Variants in BICC1 observed in about 807,000 individuals in gnomAD.
BICC1 encodes the protein protein bicaudal C homolog 1.
In BICC1, 43 loss-of-function variants were observed where a neutral mutation model predicts 111.0. That is an observed-to-expected ratio of 0.39 (90% CI 0.30 to 0.50). BICC1 has a LOEUF of 0.50. BICC1 is among the 20% of genes least tolerant of loss of function. The pLI is 0.88. For missense variants in BICC1, 1,091 were observed against 1,203.2 expected (o/e 0.91, Z 1.38); for synonymous variants, 467 against 434.4 (o/e 1.07, Z -0.93).
intron 1 of BICC1, among the ~76,000 whole-genome samples, chr10:58,536,984 C>A (rs556292946): frequency 6.6e-6 from 1 of 151,760 alleles, no homozygotes; most frequent in East Asian, 1.9e-4. Context: ...ACATACGACA[C>A]CCTAGCTTGA....
chr10:58,811,315 A>G (rs1257176436), intron 17 of BICC1, among the ~76,000 whole-genome samples: 2 of 152,224 alleles, frequency 1.3e-5, no homozygotes. Flanking sequence ...CGGAGCAAAT[A>G]AAAACCTGCA....
chr10:58,720,786 A>C (rs1295501700), intron 3 of BICC1, among the ~76,000 whole-genome samples: 1 of 152,246 alleles, frequency 6.6e-6, no homozygotes, highest in Admixed American at 6.5e-5. Flanking sequence ...GAAGGGGTTA[A>C]AATACTGAAA....
intron 1 of BICC1, among the ~76,000 whole-genome samples, chr10:58,603,271 A>G (rs149223568): frequency 6.4e-4 from 97 of 152,300 alleles, no homozygotes; most frequent in Non-Finnish European, 1.1e-3. Flanking sequence ...GGTAATGAGT[A>G]CAACTAGTTA....
At chr10:58,778,304 A>G (rs1188982085) in intron 3 of BICC1, among the ~76,000 whole-genome samples, 2 of 152,156 alleles carry the variant, frequency 1.3e-5, no homozygotes, top group Non-Finnish European at 2.9e-5. Context: ...TAAGCCTTGA[A>G]CAAGTGGGGT....
intron 3 of BICC1, 60 bp downstream of exon 3, chr10:58,702,203 C>A (rs1037003697): frequency 2.9e-6 from 4 of 1,377,902 alleles, no homozygotes; most frequent in African/African-American, 2.9e-5. Context: ...GGAATTACTG[C>A]AGGTTTGCTG....
chr10:58,682,465 C>G (rs1839560565), intron 2 of BICC1, among the ~76,000 whole-genome samples: 1 of 152,190 alleles, frequency 6.6e-6, no homozygotes, highest in African/African-American at 2.4e-5. Context: ...AGTGGTTGAA[C>G]TAGTTTACAT....
chr10:58,765,064 T>A (rs577740298), intron 3 of BICC1, among the ~76,000 whole-genome samples: 1 of 151,988 alleles, frequency 6.6e-6, no homozygotes, highest in South Asian at 2.1e-4. Context: ...GTAGTATGGG[T>A]TTTTTGTTTG....
intron 1 of BICC1, among the ~76,000 whole-genome samples, chr10:58,549,493 A>G (rs966470777): frequency 3.3e-5 from 5 of 152,162 alleles, no homozygotes; most frequent in Non-Finnish European, 5.9e-5. Context: ...CGCCATTTTA[A>G]TAGATGTCTA....
At chr10:58,712,781 GTCATTGT>G (rs1840617192) in intron 3 of BICC1, among the ~76,000 whole-genome samples, 2 of 152,102 alleles carry the variant, frequency 1.3e-5, no homozygotes, top group Non-Finnish European at 2.9e-5. Flanking sequence ...GTGACTATAT[GTCATTGT>G]ACATTTGTCA....
At chr10:58,594,498 G>T (rs1844745925) in intron 1 of BICC1, among the ~76,000 whole-genome samples, 1 of 152,236 alleles carries the variant, frequency 6.6e-6, no homozygotes, top group Non-Finnish European at 1.5e-5. Flanking sequence ...ACCAACAAAG[G>T]GAAGCCCATC....
At chr10:58,541,897 C>T (rs1316291074) in intron 1 of BICC1, among the ~76,000 whole-genome samples, 5 of 151,912 alleles carry the variant, frequency 3.3e-5, no homozygotes, top group Non-Finnish European at 5.9e-5. Flanking sequence ...CACCTGTAAT[C>T]GCAGCACTTT....
chr10:58,546,540 G>C (rs1843141605), intron 1 of BICC1, among the ~76,000 whole-genome samples: 1 of 152,022 alleles, frequency 6.6e-6, no homozygotes, highest in African/African-American at 2.4e-5. Context: ...TATGAAGCCA[G>C]CTTGTTCTTC....
chr10:58,618,360 C>T (rs943995158), intron 1 of BICC1, among the ~76,000 whole-genome samples: 9 of 152,238 alleles, frequency 5.9e-5, no homozygotes, highest in African/African-American at 1.9e-4. Flanking sequence ...TACATAACCA[C>T]GTCACGTGAG....
intron 17 of BICC1, among the ~76,000 whole-genome samples, chr10:58,807,841 C>T (rs1480049235): frequency 1.3e-5 from 2 of 152,042 alleles, no homozygotes; most frequent in African/African-American, 2.4e-5. Context: ...CTAGAGAGAG[C>T]GTGCACACAT....
chr10:58,759,913 C>A (rs558786044), intron 3 of BICC1, among the ~76,000 whole-genome samples: 21 of 149,560 alleles, frequency 1.4e-4, no homozygotes, highest in African/African-American at 5.2e-4. Context: ...GAGCCGAGAT[C>A]GCGCTACCAC....
intron 14 of BICC1, among the ~76,000 whole-genome samples, chr10:58,802,198 G>T (rs1462979176): frequency 2.0e-5 from 3 of 152,050 alleles, no homozygotes; most frequent in Non-Finnish European, 4.4e-5. Context: ...CCTGACCTTT[G>T]GCACCAGACA....
At chr10:58,547,307 G>GAAAA (rs1462394407) in intron 1 of BICC1, among the ~76,000 whole-genome samples, 3 of 152,126 alleles carry the variant, frequency 2.0e-5, no homozygotes, top group African/African-American at 4.8e-5. Context: ...TGCTTTTGAT[G>GAAAA]ATTTTGACAG....
intron 9 of BICC1, among the ~76,000 whole-genome samples, chr10:58,795,640 C>G (rs1015081605): frequency 6.6e-6 from 1 of 151,408 alleles, no homozygotes; most frequent in Non-Finnish European, 1.5e-5. Flanking sequence ...TAACTGCTTT[C>G]TCAGCCACAA....
intron 1 of BICC1, among the ~76,000 whole-genome samples, chr10:58,610,009 A>C (rs1324085827): frequency 6.6e-6 from 1 of 152,228 alleles, no homozygotes; most frequent in African/African-American, 2.4e-5. Flanking sequence ...GTTTCTGTTA[A>C]TCAGTTGGAC....
Sources: gnomAD v4.1 joint callset for allele counts (sites outside exome capture counted in the v4.1 genomes callset) on GRCh38, gnomAD v4.1.1 for gene constraint, MANE v1.5 for transcripts, NCBI Gene and HGNC (gene_info 2026-07-23, HGNC 2026-07-21) for gene names.